The following MALRD1 variants were observed in gnomAD, a reference collection of about 807,000 sequenced individuals.
MALRD1 encodes MAM and LDL receptor class A domain containing 1.
Under a neutral mutation model 242.1 loss-of-function variants are expected in MALRD1, and 247 were observed. The observed-to-expected ratio is 1.02, with a 90% confidence interval of 0.92 to 1.13. The LOEUF is 1.13. Ranked by LOEUF, MALRD1 falls within the 50% of genes most tolerant of loss-of-function variation. The pLI, the probability that MALRD1 is intolerant of heterozygous loss-of-function variation, is 0.00. For synonymous variants in MALRD1, 995 were observed against 866.6 expected (o/e 1.15, Z -2.60); for missense variants, 2,989 against 2,533.1 (o/e 1.18, Z -3.86).
At chr10:19,465,745 G>A (rs1237823865) in intron 29 of MALRD1, among the ~76,000 whole-genome samples, 1 of 152,090 alleles carries the variant, frequency 6.6e-6, no homozygotes, top group Non-Finnish European at 1.5e-5. Context: ...TGCTGCCCAT[G>A]CTAGTCTCAA....
intron 21 of MALRD1, among the ~76,000 whole-genome samples, chr10:19,288,496 C>A (rs1338091857): frequency 3.3e-5 from 5 of 152,006 alleles, no homozygotes; most frequent in African/African-American, 9.7e-5. Flanking sequence ...TTTCATGTGT[C>A]ATTTTCTTTA....
intron 32 of MALRD1, among the ~76,000 whole-genome samples, chr10:19,556,384 T>C (rs1397967285): frequency 6.6e-6 from 1 of 152,162 alleles, no homozygotes; most frequent in African/African-American, 2.4e-5. Context: ...CATAGTATCA[T>C]GCAGAGTAGT....
chr10:19,524,223 T>A (rs1048294546), intron 31 of MALRD1, among the ~76,000 whole-genome samples: 2 of 152,168 alleles, frequency 1.3e-5, no homozygotes, highest in African/African-American at 4.8e-5. Context: ...ACGCCTGTAA[T>A]TCCAGCACTT....
At chr10:19,358,724 G>C (rs1844757573) in intron 26 of MALRD1, among the ~76,000 whole-genome samples, 1 of 152,126 alleles carries the variant, frequency 6.6e-6, no homozygotes, top group East Asian at 1.9e-4. Flanking sequence ...ACAATGTATG[G>C]AATACAGTCG....
At chr10:19,635,539 G>T (rs1427127967) in intron 36 of MALRD1, among the ~76,000 whole-genome samples, 8 of 151,980 alleles carry the variant, frequency 5.3e-5, no homozygotes, top group African/African-American at 1.9e-4. Context: ...TATTATTAAG[G>T]AATTCACTCA....
intron 19 of MALRD1, among the ~76,000 whole-genome samples, chr10:19,266,705 T>C (rs1022673829): frequency 2.0e-5 from 3 of 152,038 alleles, no homozygotes; most frequent in Non-Finnish European, 4.4e-5. Context: ...ATATGCAATA[T>C]GTAAATAAAT....
intron 2 of MALRD1, among the ~76,000 whole-genome samples, chr10:19,083,498 A>T (rs527699215): frequency 6.6e-6 from 1 of 151,974 alleles, no homozygotes; most frequent in African/African-American, 2.4e-5. Context: ...TCAGGTGACT[A>T]TGAAGTTATA....
Position 19,424,602 on chromosome 10 carries a change from A to C in MALRD1, c.4846-25705A>C, listed in dbSNP as rs1289241695. Among the ~76,000 whole-genome samples, 3 of 152,244 alleles carry C rather than the reference A, an allele frequency of 2.0e-5. No homozygotes were observed. The South Asian group carries it at 6.2e-4, about 31-fold the overall frequency. Reference sequence around the variant, plus strand: ...GAGATATTTCAAAAATCAGAACTAAAGTAATTTTCAGTGTTACAATTAAAA... The same window carrying C: ...GAGATATTTCAAAAATCAGAACTAACGTAATTTTCAGTGTTACAATTAAAA... On this transcript the variant is annotated intron_variant, in intron 28 of 39. Transcript: ENST00000454679.
At chr10:19,061,669 A>G (rs927273443) in intron 1 of MALRD1, among the ~76,000 whole-genome samples, 2 of 152,116 alleles carry the variant, frequency 1.3e-5, no homozygotes, top group African/African-American at 4.8e-5. Flanking sequence ...TTGAGAAGGG[A>G]CCCAAGACCA....
chr10:19,436,679 G>A (rs183067863), intron 28 of MALRD1, among the ~76,000 whole-genome samples: 2 of 151,988 alleles, frequency 1.3e-5, no homozygotes, highest in Admixed American at 6.6e-5. Context: ...CCACTCATCC[G>A]TCTATGAGGT....
At chr10:19,377,825 T>C (rs1327786286) in intron 26 of MALRD1, among the ~76,000 whole-genome samples, 1 of 152,138 alleles carries the variant, frequency 6.6e-6, no homozygotes, top group Non-Finnish European at 1.5e-5. Context: ...TTAATAAACC[T>C]AAACTTTATA....
chr10:19,058,664 C>A (rs1834735753), intron 1 of MALRD1, among the ~76,000 whole-genome samples: 2 of 151,892 alleles, frequency 1.3e-5, no homozygotes, highest in South Asian at 4.2e-4. Context: ...TTTTCCAGGT[C>A]AATAAATCAA....
rs1299786218 is a variant in MALRD1, at chr10:19,282,993, C to T, written c.3257-26C>T. Reference sequence around the variant, plus strand: ...TAGAAACTGCCACTTACTAGCTCACCTTTTCTTTGTTCTACCCCATCCAAG... The same window carrying T: ...TAGAAACTGCCACTTACTAGCTCACTTTTTCTTTGTTCTACCCCATCCAAG... On this transcript the variant is annotated intron_variant, in intron 20 of 39. Coordinates refer to ENST00000454679, the MANE Select transcript of MALRD1 (RefSeq NM_001142308.3). 35 of 1,482,684 alleles carry T rather than the reference C, an allele frequency of 2.4e-5. No homozygotes were observed. The Admixed American group carries it at 5.5e-4, about 23-fold the overall frequency. 91.8% of individuals were successfully genotyped at this position (1,482,684 alleles called of 1,614,324 possible).
chr10:19,625,954 A>T (rs1017322873), intron 36 of MALRD1, among the ~76,000 whole-genome samples: 1 of 152,144 alleles, frequency 6.6e-6, no homozygotes, highest in African/African-American at 2.4e-5. Flanking sequence ...AGTGCTAAGG[A>T]CTAACAAAAA....
intron 29 of MALRD1, among the ~76,000 whole-genome samples, chr10:19,460,653 T>C (rs1835893921): frequency 6.6e-6 from 1 of 152,076 alleles, no homozygotes; most frequent in African/African-American, 2.4e-5. Flanking sequence ...TCCTAGTAAA[T>C]AGAGGAACTT....
At chr10:19,688,276 T>G (rs1203007859) in intron 36 of MALRD1, among the ~76,000 whole-genome samples, 10 of 150,778 alleles carry the variant, frequency 6.6e-5, no homozygotes, top group Non-Finnish European at 5.9e-5. Context: ...CGGCCTATTA[T>G]TATTATTATC....
intron 32 of MALRD1, among the ~76,000 whole-genome samples, chr10:19,537,089 C>A (rs1834720983): frequency 1.3e-5 from 2 of 152,100 alleles, no homozygotes; most frequent in Admixed American, 6.6e-5. Flanking sequence ...ACAACATAGA[C>A]AAGAGGATAA....
At chr10:19,362,471 G>C (rs1406482314) in intron 26 of MALRD1, among the ~76,000 whole-genome samples, 4 of 152,128 alleles carry the variant, frequency 2.6e-5, no homozygotes, top group Non-Finnish European at 4.4e-5. Flanking sequence ...TATTTGAGCA[G>C]ACTTGAAGGA....
At chr10:19,240,284 G>T (rs1332212136) in intron 18 of MALRD1, among the ~76,000 whole-genome samples, 1 of 151,930 alleles carries the variant, frequency 6.6e-6, no homozygotes, top group Non-Finnish European at 1.5e-5. Context: ...TTTTCAGATA[G>T]TTCACTATTA....
Sources: gnomAD v4.1 joint callset for allele counts (sites outside exome capture counted in the v4.1 genomes callset) on GRCh38, gnomAD v4.1.1 for gene constraint, MANE v1.5 for transcripts, NCBI Gene and HGNC (gene_info 2026-07-23, HGNC 2026-07-21) for gene names.